MTM1: variants seen among roughly 807,000 people sequenced by gnomAD.
The protein encoded by MTM1 is myotubularin 1, also known as myotubularin.
MTM1 carries 9 observed loss-of-function variants against 52.1 expected under a neutral mutation model. The ratio of observed to expected loss-of-function variants is 0.17; its 90% CI spans 0.10 to 0.30. The LOEUF (loss-of-function observed/expected upper bound fraction) is 0.30, where lower values mean the gene tolerates loss of function less well. Among genes scored for constraint, MTM1 ranks in the 10% least tolerant of loss-of-function variants. The pLI is 1.00. For synonymous variants in MTM1, 136 were observed against 163.8 expected, an observed-to-expected ratio of 0.83 and a Z score of 1.29; for missense variants, 277 against 470.7, an observed-to-expected ratio of 0.59 and a Z score of 3.81.
At chrX:150,564,622 C>T (rs1309590980), upstream of MTM1, among the ~76,000 whole-genome samples, 1 of 111,620 alleles carries the variant, frequency 9.0e-6, no homozygotes, top group East Asian at 2.8e-4. Flanking sequence ...ACCTTGTGAT[C>T]CACCCACCTC....
chrX:150,587,090 T>C lies in MTM1; in HGVS notation c.-10-5515T>C, dbSNP rs782152047. On this transcript the variant is annotated intron_variant, in intron 1 of 14. Coordinates refer to ENST00000370396, the MANE Select transcript of MTM1 (RefSeq NM_000252.3). ...AAACTGCAGTAATTAAGTGAGAGAA[T>C]TGGGATCTGAGACACAAATTGGTCT... 2.7e-5 allele frequency among the ~76,000 whole-genome samples: 3 copies of C among 110,275 alleles called. No homozygotes were observed. The East Asian group carries it at 8.6e-4, about 32-fold the overall frequency.
chrX:150,581,004 A>G (rs2038572595), intron 1 of MTM1, among the ~76,000 whole-genome samples: 1 of 111,866 alleles, frequency 8.9e-6, no homozygotes, highest in African/African-American at 3.2e-5. Context: ...CAAATTATTC[A>G]ATGTATTTTG....
At chrX:150,575,294 T>TG (rs2038450696) in intron 1 of MTM1, among the ~76,000 whole-genome samples, 1 of 112,129 alleles carries the variant, frequency 8.9e-6, no homozygotes, top group South Asian at 3.8e-4. Context: ...TAGAATCACT[T>TG]GGGGAGTTTT....
At chrX:150,581,050 C>A (rs1476163374) in intron 1 of MTM1, among the ~76,000 whole-genome samples, 1 of 111,702 alleles carries the variant, frequency 9.0e-6, no homozygotes, top group East Asian at 2.8e-4. Flanking sequence ...AGACCAGGCA[C>A]CTTTAAAAAA....
chrX:150,571,019 A>T (rs1463886522), intron 1 of MTM1, among the ~76,000 whole-genome samples: 4 of 112,184 alleles, frequency 3.6e-5, no homozygotes, highest in African/African-American at 1.3e-4. Flanking sequence ...TGAGAGGCAG[A>T]TTAACAAAAT....
chrX:150,603,570 A>C lies in MTM1; in HGVS notation c.231+4884A>C, dbSNP rs1440806915. Among the ~76,000 whole-genome samples, 3 of 111,921 alleles carry C rather than the reference A, an allele frequency of 2.7e-5. No individual in the cohort carries two copies. The Admixed American group carries it at 2.8e-4, about 11-fold the overall frequency. On this transcript the variant is annotated intron_variant, in intron 4 of 14. Coordinates refer to ENST00000370396, the MANE Select transcript of MTM1 (RefSeq NM_000252.3). ...GCTTGAGTGGCCATTTGGAAGATGG[A>C]GTTGAACAAACTTTCACTTGAAAGA...
intron 5 of MTM1, among the ~76,000 whole-genome samples, chrX:150,618,374 C>T (rs1185509501): frequency 1.8e-5 from 2 of 111,690 alleles, no homozygotes; most frequent in Non-Finnish European, 3.8e-5. Context: ...ATATCAGGGC[C>T]GGATGTGGTG....
intron 14 of MTM1, among the ~76,000 whole-genome samples, chrX:150,670,489 T>G (rs1461914408): frequency 8.9e-6 from 1 of 112,371 alleles, no homozygotes; most frequent in African/African-American, 3.2e-5. Flanking sequence ...CTGTCAGCCA[T>G]GTATTCAGAT....
At chrX:150,644,059 A>G (rs781789183) in intron 8 of MTM1, among the ~76,000 whole-genome samples, 6 of 111,265 alleles carry the variant, frequency 5.4e-5, no homozygotes, top group Non-Finnish European at 1.1e-4. Context: ...GCCATTGCCT[A>G]TGGCCCGACT....
chrX:150,625,407 G>A (rs782284884), intron 6 of MTM1, among the ~76,000 whole-genome samples: 1 of 111,376 alleles, frequency 9.0e-6, no homozygotes, highest in Non-Finnish European at 1.9e-5. Flanking sequence ...TAAAGTAATC[G>A]TGATAACATG....
intron 2 of MTM1, among the ~76,000 whole-genome samples, chrX:150,596,032 A>AG (rs2038969850): frequency 2.9e-4 from 26 of 89,458 alleles, no homozygotes; most frequent in African/African-American, 9.8e-4. Flanking sequence ...TAGGTAATCA[A>AG]TGATTTTCGG....
At chrX:150,625,179 T>C (rs782056289) in intron 6 of MTM1, among the ~76,000 whole-genome samples, 1 of 111,996 alleles carries the variant, frequency 8.9e-6, no homozygotes, top group South Asian at 3.7e-4. Flanking sequence ...GGAAGTCACA[T>C]AATGTTTATG....
Position 150,672,047 on chromosome X carries a change from C to A in MTM1, c.*452C>A, listed in dbSNP as rs1208684646. On this transcript the variant is annotated 3_prime_UTR_variant, in exon 15 of 15. Coordinates refer to ENST00000370396, the MANE Select transcript of MTM1 (RefSeq NM_000252.3). Reference sequence around the variant, plus strand: ...TGAAAGATGCATGTTACTGCCAAAACCAAATTGAGCTCAGCTTCCTAGGCA... The same window carrying A: ...TGAAAGATGCATGTTACTGCCAAAAACAAATTGAGCTCAGCTTCCTAGGCA... 2 of 132,635 alleles carry A rather than the reference C, an allele frequency of 1.5e-5. No individual in the cohort carries two copies. The highest frequency in any genetic ancestry group is 3.0e-5 in the Non-Finnish European group (2 of 66,630). The allele number at this position is 132,635 out of a possible 1,213,427, so 10.9% of individuals were successfully genotyped here.
At chrX:150,567,332 T>C (rs1448353680), upstream of MTM1, among the ~76,000 whole-genome samples, 1 of 111,437 alleles carries the variant, frequency 9.0e-6, no homozygotes, top group Admixed American at 9.5e-5. Context: ...ATAAATGATA[T>C]ATGAATATAT....
chrX:150,573,952 C>T (rs1382726731), intron 1 of MTM1, among the ~76,000 whole-genome samples: 1 of 111,695 alleles, frequency 9.0e-6, no homozygotes, highest in Non-Finnish European at 1.9e-5. Flanking sequence ...CAGGAGGGCG[C>T]TGCGGTTAAC....
intron 7 of MTM1, 34 bp from the exon 8 acceptor site, chrX:150,641,235 C>T (rs947722012): frequency 5.0e-6 from 6 of 1,207,744 alleles, no homozygotes; most frequent in African/African-American, 1.7e-5. Flanking sequence ...TGAGGTCAAG[C>T]AATACTGACT....
At chrX:150,576,262 A>G (rs1287405573) in intron 1 of MTM1, among the ~76,000 whole-genome samples, 2 of 111,714 alleles carry the variant, frequency 1.8e-5, no homozygotes, top group African/African-American at 6.5e-5. Flanking sequence ...GGAAGTTTGT[A>G]TAAGATTGGA....
At chrX:150,607,724 C>T (rs1557412867) in intron 4 of MTM1, among the ~76,000 whole-genome samples, 1 of 111,511 alleles carries the variant, frequency 9.0e-6, no homozygotes, top group East Asian at 2.8e-4. Context: ...AGCTCCAGTT[C>T]CAATCTTTCA....
At position 150,671,690 on chromosome X, in the gene MTM1, C is replaced by T. The variant is rs1212600584; in HGVS notation, c.*95C>T. 2.1e-6 allele frequency: 2 copies of T among 959,064 alleles called. No individual in the cohort carries two copies. Among genetic ancestry groups the T allele is most frequent in the Non-Finnish European group, 2.9e-6 (2 of 684,611 alleles). The allele number at this position is 959,064 out of a possible 1,213,427, so 79.0% of individuals were successfully genotyped here. On this transcript the variant is annotated 3_prime_UTR_variant, in exon 15 of 15. Coordinates refer to ENST00000370396, the MANE Select transcript of MTM1 (RefSeq NM_000252.3). ...AAAAAGTAGATTAAAATATTTGCCT[C>T]CATGTAGAACTTGAACTAACATAAT...
Sources: gnomAD v4.1 joint callset for allele counts (sites outside exome capture counted in the v4.1 genomes callset) on GRCh38, gnomAD v4.1.1 for gene constraint, MANE v1.5 for transcripts, NCBI Gene and HGNC (gene_info 2026-07-23, HGNC 2026-07-21) for gene names.